The following SNIP1 variants were observed in gnomAD, a reference collection of about 807,000 sequenced individuals.
The protein encoded by SNIP1 is Smad nuclear interacting protein 1, also known as smad nuclear-interacting protein 1.
SNIP1 carries 23 observed loss-of-function variants against 37.4 expected under a neutral mutation model. The ratio of observed to expected loss-of-function variants is 0.61; its 90% CI spans 0.44 to 0.87. The LOEUF (loss-of-function observed/expected upper bound fraction) is 0.87. SNIP1 is among the 40% of genes least tolerant of loss of function. SNIP1 has a pLI of 0.00. For synonymous variants in SNIP1, 174 were observed against 200.0 expected, an observed-to-expected ratio of 0.87 and a Z score of 1.10; for missense variants, 459 against 540.4, an observed-to-expected ratio of 0.85 and a Z score of 1.49.
Position 37,540,130 on chromosome 1 carries a change from TAC to T in SNIP1, c.926+25_926+26del, listed in dbSNP as rs747923765. On this transcript the variant is annotated intron_variant, in intron 3 of 3. Transcript: ENST00000296215. This position sits in a 1 kb window ranked among gnomAD's most constrained non-coding sequence, Gnocchi z 5.6. ...ACTGAGTGATTGTTTCTGCTCACAT[TAC>T]AGTTTCTTCCTCCATGTTACTTACC... is the stretch of plus-strand genomic sequence containing the variant. The T allele has an allele frequency of 4.6e-6, 7 of 1,537,758 alleles. No homozygotes were observed. Among genetic ancestry groups the T allele is most frequent in the Admixed American group, 4.0e-5 (2 of 50,548 alleles).
At chr1:37,543,998 T>C (rs1459366495) in intron 2 of SNIP1, among the ~76,000 whole-genome samples, 2 of 151,472 alleles carry the variant, frequency 1.3e-5, no homozygotes, top group East Asian at 3.9e-4. Flanking sequence ...ATGCAAAAAT[T>C]AGCCAGGTGT....
At chr1:37,546,149 CCCCCCCCCCCG>C (rs1557627084) in intron 2 of SNIP1, among the ~76,000 whole-genome samples, 1 of 44,560 alleles carries the variant, frequency 2.2e-5, no homozygotes, top group Non-Finnish European at 6.2e-5. Flanking sequence ...ACTAAGACCC[CCCCCCCCCCCG>C]CTCCCTGCCA....
intron 2 of SNIP1, among the ~76,000 whole-genome samples, chr1:37,546,760 T>C (rs979852979): frequency 6.6e-6 from 1 of 152,174 alleles, no homozygotes; most frequent in Non-Finnish European, 1.5e-5. Flanking sequence ...CTTGAACCCC[T>C]CCAATCAGGT....
intron 1 of SNIP1, 93 bp downstream of exon 1, chr1:37,553,913 C>G (rs1458288197): frequency 7.7e-7 from 1 of 1,303,682 alleles, no homozygotes; most frequent in African/African-American, 1.5e-5. Flanking sequence ...GGCTGCTGCG[C>G]CCACCATTCA....
chr1:37,540,795 C>A lies in SNIP1; in HGVS notation c.328-40G>T. The stretch of plus-strand genomic sequence containing the variant: ...GATTCTGTAATTTAAACGCAGTGCA[C>A]AATCTAAAGGCAGCCCAAATCTTGT... On this transcript the variant is annotated intron_variant, in intron 2 of 3. Coordinates refer to ENST00000296215, the MANE Select transcript of SNIP1 (RefSeq NM_024700.4). The surrounding 1 kb of genome is among the most constrained non-coding windows in gnomAD (Gnocchi z 5.6). 2.6e-6 allele frequency: 4 copies of A among 1,528,930 alleles called. No individual in the cohort carries two copies. The highest frequency in any genetic ancestry group is 3.5e-6 in the Non-Finnish European group (4 of 1,137,450). The allele number at this position is 1,528,930 out of a possible 1,614,324, so 94.7% of individuals were successfully genotyped here.
At chr1:37,543,770 A>G (rs1643198509) in intron 2 of SNIP1, among the ~76,000 whole-genome samples, 1 of 152,064 alleles carries the variant, frequency 6.6e-6, no homozygotes, top group Admixed American at 6.6e-5. Context: ...AGCCCTAAGC[A>G]TAAGCTCAAA....
intron 2 of SNIP1, among the ~76,000 whole-genome samples, chr1:37,548,581 A>G (rs1643267933): frequency 6.6e-6 from 1 of 151,754 alleles, no homozygotes; most frequent in Admixed American, 6.6e-5. Flanking sequence ...AAGTGCTGGG[A>G]TTACAGGCAT....
chr1:37,553,414 A>T (rs925956156), intron 1 of SNIP1, among the ~76,000 whole-genome samples: 6 of 152,088 alleles, frequency 3.9e-5, no homozygotes, highest in Non-Finnish European at 5.9e-5. Flanking sequence ...TATTTTGTTT[A>T]TTTTTTTATC....
Position 37,554,033 on chromosome 1 carries a change from C to A in SNIP1, c.197G>T (p.Arg66Leu), listed in dbSNP as rs751340354. The change falls in exon 1 of 4, where the codon CGC becomes CTC. Residue 66 changes from arginine (R) to leucine (L), a missense_variant. Arg to Leu is a moderately radical substitution (Grantham distance 102). Transcript: ENST00000296215. Reference protein sequence around the residue: ...PTSEPARSGHRGNRARGVSRS... With the variant: ...PTSEPARSGHLGNRARGVSRS... ...GCTAACTCCTCGGGCTCGGTTCCCG[C>A]GGTGGCCCGAGCGGGCCGGCTCGCT... 18 of 1,578,212 alleles carry A rather than the reference C, an allele frequency of 1.1e-5. No individual in the cohort carries two copies. The South Asian group carries it at 2.1e-4, about 18-fold the overall frequency.
chr1:37,545,015 C>T (rs1643215875), intron 2 of SNIP1: 1 of 761,874 alleles, frequency 1.3e-6, no homozygotes, highest in Non-Finnish European at 2.4e-6. Flanking sequence ...CTTCAAGAAA[C>T]CAGACCATGA....
chr1:37,548,401 C>T (rs1460908673), intron 2 of SNIP1, among the ~76,000 whole-genome samples: 6 of 151,506 alleles, frequency 4.0e-5, no homozygotes, highest in Non-Finnish European at 5.9e-5. Context: ...CTGTAATCCC[C>T]GCCTCCCAGG....
chr1:37,544,112 G>C (rs1424416807), intron 2 of SNIP1, among the ~76,000 whole-genome samples: 1 of 149,310 alleles, frequency 6.7e-6, no homozygotes, highest in Non-Finnish European at 1.5e-5. Context: ...CCACTGCATT[G>C]TAGCCTGAAC....
intron 2 of SNIP1, among the ~76,000 whole-genome samples, chr1:37,549,690 G>A (rs888556740): frequency 6.6e-6 from 1 of 152,158 alleles, no homozygotes; most frequent in African/African-American, 2.4e-5. Flanking sequence ...GGGATTACAG[G>A]CATGAGTCGC....
chr1:37,544,713 C>T, intron 2 of SNIP1: 1 of 613,122 alleles, frequency 1.6e-6, no homozygotes. Flanking sequence ...GCCCCCGCCG[C>T]CACTCCAGCG....
chr1:37,540,397 G>A lies in SNIP1; in HGVS notation c.686C>T (p.Ser229Phe). Residue 229 changes from serine (S) to phenylalanine (F), a missense_variant, in exon 3 of 4, where the codon TCT becomes TTT. Coordinates refer to ENST00000296215, the MANE Select transcript of SNIP1 (RefSeq NM_024700.4). This position sits in a 1 kb window ranked among gnomAD's most constrained non-coding sequence, Gnocchi z 5.6. ...GTTGGTGTCCTCAAGAAGTGCCCCA[G>A]AAAGTTCAAAGCTTGGTTTTTCTTT... ...PAKEKPSFEL[S>F]GALLEDTNTF... is the part of the protein sequence containing the mutation. 1.2e-6 allele frequency: 2 copies of A among 1,614,142 alleles called. No homozygotes were observed. Among genetic ancestry groups the A allele is most frequent in the Non-Finnish European group, 1.7e-6 (2 of 1,180,024 alleles).
chr1:37,543,908 A>AGG (rs758291801), intron 2 of SNIP1, among the ~76,000 whole-genome samples: 215 of 148,900 alleles, frequency 1.4e-3, no homozygotes, highest in African/African-American at 4.9e-3. Context: ...TGGGAGGGCA[A>AGG]GGGGGGGGGC....
chr1:37,545,744 G>A (rs963456151), intron 2 of SNIP1, among the ~76,000 whole-genome samples: 27 of 152,098 alleles, frequency 1.8e-4, no homozygotes, highest in African/African-American at 5.1e-4. Context: ...GATCACTTGC[G>A]TCCAGGAGTT....
Position 37,540,788 on chromosome 1 carries a change from C to T in SNIP1, c.328-33G>A. 3 of 1,545,242 alleles carry T rather than the reference C, an allele frequency of 1.9e-6. No individual in the cohort carries two copies. The highest frequency in any genetic ancestry group is 2.6e-6 in the Non-Finnish European group (3 of 1,145,950). ...TCAAACAGATTCTGTAATTTAAACG[C>T]AGTGCACAATCTAAAGGCAGCCCAA... On this transcript the variant is annotated intron_variant, in intron 2 of 3. Transcript: ENST00000296215. The surrounding 1 kb of genome is among the most constrained non-coding windows in gnomAD (Gnocchi z 5.6).
intron 2 of SNIP1, among the ~76,000 whole-genome samples, chr1:37,551,623 T>C (rs1373077837): frequency 6.6e-6 from 1 of 152,192 alleles, no homozygotes; most frequent in African/African-American, 2.4e-5. Flanking sequence ...TTTGAGGATA[T>C]AGCAAAGAGG....
Sources: allele counts gnomAD v4.1 joint callset (sites outside exome capture counted in the v4.1 genomes callset), GRCh38; gene constraint gnomAD v4.1.1; non-coding constraint Gnocchi (gnomAD v3.1); transcripts MANE v1.5; gene names NCBI Gene and HGNC (gene_info 2026-07-23, HGNC 2026-07-21).